Variants in IGF2BP2 observed in about 807,000 individuals in gnomAD.
IGF2BP2 encodes the protein insulin-like growth factor 2 mRNA-binding protein 2.
A neutral mutation model predicts 75.8 loss-of-function variants in IGF2BP2; 17 were observed. The ratio of observed to expected loss-of-function variants is 0.22; its 90% CI spans 0.15 to 0.34. IGF2BP2 has a LOEUF of 0.34. IGF2BP2 is among the 10% of genes least tolerant of loss of function. The pLI is 1.00. For missense variants in IGF2BP2, 516 were observed against 772.4 expected (o/e 0.67, Z 3.93); for synonymous variants, 288 against 295.6 (o/e 0.97, Z 0.26).
At chr3:185,727,594 A>C (rs1727535728) in intron 2 of IGF2BP2, among the ~76,000 whole-genome samples, 1 of 152,234 alleles carries the variant, frequency 6.6e-6, no homozygotes, top group South Asian at 2.1e-4. Context: ...TCCCTGGAGA[A>C]GCAGTAGCAT....
At chr3:185,731,634 G>A (rs1728195363) in intron 2 of IGF2BP2, among the ~76,000 whole-genome samples, 1 of 152,210 alleles carries the variant, frequency 6.6e-6, no homozygotes, top group South Asian at 2.1e-4. Flanking sequence ...AAGTTTCAAG[G>A]ACCCAATTTC....
chr3:185,723,709 C>A (rs1578106082), intron 2 of IGF2BP2, among the ~76,000 whole-genome samples: 1 of 152,104 alleles, frequency 6.6e-6, no homozygotes, highest in Admixed American at 6.5e-5. Flanking sequence ...AGCTCCCAGG[C>A]TAGTGAGGGT....
At chr3:185,786,384 TA>T in intron 2 of IGF2BP2, among the ~76,000 whole-genome samples, 1 of 152,062 alleles carries the variant, frequency 6.6e-6, no homozygotes, top group Non-Finnish European at 1.5e-5. Context: ...CTGAAGCAAG[TA>T]AAGAATCACA....
chr3:185,773,192 A>G (rs183452893), intron 2 of IGF2BP2, among the ~76,000 whole-genome samples: 71 of 152,278 alleles, frequency 4.7e-4, no homozygotes, highest in Non-Finnish European at 7.4e-4. Context: ...CCACATTTTT[A>G]TACCTCCTAG....
intron 2 of IGF2BP2, among the ~76,000 whole-genome samples, chr3:185,814,367 G>A (rs1163972378): frequency 6.6e-6 from 1 of 152,156 alleles, no homozygotes; most frequent in Non-Finnish European, 1.5e-5. Context: ...AAATTTCGAA[G>A]TATGCATTGT....
At chr3:185,735,100 G>A (rs1007790002) in intron 2 of IGF2BP2, among the ~76,000 whole-genome samples, 1 of 151,502 alleles carries the variant, frequency 6.6e-6, no homozygotes. Context: ...TTTTATCAGT[G>A]AATTACATTT....
At chr3:185,752,104 C>T (rs1281643380) in intron 2 of IGF2BP2, among the ~76,000 whole-genome samples, 1 of 152,162 alleles carries the variant, frequency 6.6e-6, no homozygotes, top group Non-Finnish European at 1.5e-5. Flanking sequence ...ATATATTCTT[C>T]TACAACATTA....
In IGF2BP2 at chr3:185,649,403, G is replaced by C. The variant is rs139682125; in HGVS notation, c.1593C>G (p.Thr531=). ...AGRVIGKGGK[T]VNELQNLTSA... The stretch of plus-strand genomic sequence containing the variant: ...TGAAGCGAGCCCGGAGCACACTTAC[G>C]GTCTTGCCACCTTTGCCAATCACCC... Residue 531 remains threonine, a splice_region_variant and synonymous_variant, in exon 14 of 16, where the codon ACC becomes ACG. Transcript: ENST00000382199. The C allele has an allele frequency of 6.2e-7, 1 of 1,612,990 alleles. No homozygotes were observed. Among genetic ancestry groups the C allele is most frequent in the African/African-American group, 1.3e-5 (1 of 74,966 alleles).
rs1283321189 is a variant in IGF2BP2 at position 185,677,163 on chromosome 3, C to T, written c.813-1250G>A. On this transcript the variant is annotated intron_variant, in intron 7 of 15. Coordinates refer to ENST00000382199, the MANE Select transcript of IGF2BP2 (RefSeq NM_006548.6). ...CATTCAGTGTTTTCAAGGCCCCACC[C>T]GCTACATGGCATACTGAAGAGCAAA... is the stretch of plus-strand genomic sequence containing the variant. 2.7e-5 allele frequency among the ~76,000 whole-genome samples: 4 copies of T among 149,510 alleles called. No homozygotes were observed. In the South Asian group the frequency reaches 6.4e-4, roughly 24 times the overall value.
At chr3:185,805,833 G>A (rs537285218) in intron 2 of IGF2BP2, among the ~76,000 whole-genome samples, 195 of 150,456 alleles carry the variant, frequency 1.3e-3, no homozygotes, top group Non-Finnish European at 2.4e-3. Flanking sequence ...GTGCAGTGGC[G>A]TGATCTCGGC....
rs1261877683 is a variant in IGF2BP2 at position 185,644,412 on chromosome 3, TTTTC to T, written c.*1115_*1118del. On this transcript the variant is annotated 3_prime_UTR_variant, in exon 16 of 16. Coordinates refer to ENST00000382199, the MANE Select transcript of IGF2BP2 (RefSeq NM_006548.6). ...AAATACATTCTTTCATTGTGGAATT[TTTTC>T]TTTGTTTGGTTGATTGGTTGGTTTG... The T allele has an allele frequency of 5.2e-5, 8 of 152,570 alleles. No individual in the cohort carries two copies. The highest frequency in any genetic ancestry group is 5.9e-5 in the Non-Finnish European group (4 of 68,024). 9.5% of individuals were successfully genotyped at this position (152,570 alleles called of 1,614,324 possible).
chr3:185,784,267 T>TAGACAGAC (rs59726249), intron 2 of IGF2BP2, among the ~76,000 whole-genome samples: 14,282 of 151,678 alleles, frequency 0.094, 942 homozygotes, highest in African/African-American at 0.19. Flanking sequence ...GATAGATAGA[T>TAGACAGAC]AGACAGACAG....
intron 7 of IGF2BP2, among the ~76,000 whole-genome samples, chr3:185,677,044 G>GATGTATATTTATATATATAT (rs1553855666): frequency 4.2e-5 from 1 of 23,860 alleles, no homozygotes; most frequent in Non-Finnish European, 6.5e-5. Context: ...TATATATGGA[G>GATGTATATTTATATATATAT]ATATATATAT....
At chr3:185,721,070 G>C (rs1034270044) in intron 2 of IGF2BP2, among the ~76,000 whole-genome samples, 1 of 152,146 alleles carries the variant, frequency 6.6e-6, no homozygotes, top group African/African-American at 2.4e-5. Context: ...CCTGTGTACT[G>C]TCAATAGAGT....
chr3:185,808,415 G>A (rs1055494450), intron 2 of IGF2BP2, among the ~76,000 whole-genome samples: 4 of 152,134 alleles, frequency 2.6e-5, no homozygotes, highest in African/African-American at 9.7e-5. Flanking sequence ...GGGAGGCAGA[G>A]GCTGTAGTGA....
At chr3:185,726,128 T>C (rs551536409) in intron 2 of IGF2BP2, among the ~76,000 whole-genome samples, 2 of 152,004 alleles carry the variant, frequency 1.3e-5, no homozygotes, top group South Asian at 2.1e-4. Context: ...ATTCTGAGAG[T>C]ATAATTTCAC....
chr3:185,653,663 G>A (rs1714970245), intron 12 of IGF2BP2, among the ~76,000 whole-genome samples: 1 of 151,932 alleles, frequency 6.6e-6, no homozygotes, highest in Non-Finnish European at 1.5e-5. Flanking sequence ...GGATTGTAAG[G>A]ATGAGCCAAG....
At chr3:185,680,034 A>G (rs1720142475) in intron 7 of IGF2BP2, among the ~76,000 whole-genome samples, 2 of 152,326 alleles carry the variant, frequency 1.3e-5, no homozygotes, top group South Asian at 4.1e-4. Flanking sequence ...TGGTTCTTTG[A>G]AAAGATCAAC....
chr3:185,770,414 G>GT (rs1256567688), intron 2 of IGF2BP2, among the ~76,000 whole-genome samples: 3 of 152,210 alleles, frequency 2.0e-5, no homozygotes, highest in Non-Finnish European at 4.4e-5. Context: ...AGAAAGAGTA[G>GT]TGGGTTATAT....
Sources: allele counts gnomAD v4.1 joint callset (sites outside exome capture counted in the v4.1 genomes callset), GRCh38; gene constraint gnomAD v4.1.1; transcripts MANE v1.5; gene names NCBI Gene and HGNC (gene_info 2026-07-23, HGNC 2026-07-21).